CTNNB1: variants seen among roughly 807,000 people sequenced by gnomAD.
The protein encoded by CTNNB1 is catenin beta 1.
In CTNNB1, 6 loss-of-function variants were observed where a neutral mutation model predicts 82.5. The observed-to-expected ratio is 0.07, with a 90% CI of 0.04 to 0.14. The LOEUF (loss-of-function observed/expected upper bound fraction) is 0.14, where lower values mean the gene tolerates loss of function less well. CTNNB1 is among the 10% of genes least tolerant of loss of function. The probability of loss-of-function intolerance (pLI) is 1.00; values close to 1 mark genes in which losing one functional copy is unlikely to be tolerated. For missense variants in CTNNB1, 529 were observed against 980.4 expected, an observed-to-expected ratio of 0.54 and a Z score of 6.15; for synonymous variants, 312 against 329.7, an observed-to-expected ratio of 0.95 and a Z score of 0.58.
rs1231888698 is a variant in CTNNB1 at position 41,233,423 on chromosome 3, T to C, written c.1164T>C (p.Leu388=). 1 of 1,614,220 alleles carries C rather than the reference T, an allele frequency of 6.2e-7. No individual in the cohort carries two copies. Among genetic ancestry groups the C allele is most frequent in the South Asian group, 1.1e-5 (1 of 91,072 alleles). Residue 388 remains leucine, a synonymous_variant, in exon 8 of 15, where the codon CTT becomes CTC. Transcript: ENST00000349496. ...ACTGTCTTTGGACTCTCAGGAATCT[T>C]TCAGATGCTGCAACTAAACAGGTAA... ...VQNCLWTLRN[L]SDAATKQEGM...
chr3:41,237,961 T>A, intron 13 of CTNNB1, 55 bp from the exon 14 acceptor site: 1 of 1,498,718 alleles, frequency 6.7e-7, no homozygotes, highest in Admixed American at 1.7e-5. Flanking sequence ...TAGTGTACTT[T>A]TGAGAATTTT....
intron 7 of CTNNB1, among the ~76,000 whole-genome samples, chr3:41,229,564 T>C (rs2078255451): frequency 6.6e-6 from 1 of 152,280 alleles, no homozygotes; most frequent in South Asian, 2.1e-4. Context: ...TTTTATATCC[T>C]GAAACTTTGC....
chr3:41,234,345 A>G (rs1217148343), intron 10 of CTNNB1, 48 bp downstream of exon 10: 1 of 1,596,766 alleles, frequency 6.3e-7, no homozygotes, highest in Admixed American at 1.7e-5. Flanking sequence ...AGGAATGCAT[A>G]AATCCAAAGG....
chr3:41,215,630 C>A (rs961284757), intron 1 of CTNNB1, among the ~76,000 whole-genome samples: 15 of 152,014 alleles, frequency 9.9e-5, no homozygotes, highest in Non-Finnish European at 2.2e-4. Flanking sequence ...TTTAAAATTT[C>A]TTTCTTTAAA....
intron 13 of CTNNB1, chr3:41,236,934 TATAATTC>T: frequency 3.3e-6 from 2 of 611,814 alleles, no homozygotes; most frequent in Non-Finnish European, 5.7e-6. Flanking sequence ...TATTTAAAAT[TATAATTC>T]ATAAGGGAGA....
At chr3:41,214,970 C>G (rs561836135) in intron 1 of CTNNB1, among the ~76,000 whole-genome samples, 5 of 152,158 alleles carry the variant, frequency 3.3e-5, no homozygotes, top group Admixed American at 3.3e-4. Flanking sequence ...GCCCACAAAA[C>G]CTAAAATATT....
chr3:41,220,554 G>A (rs1163187498), intron 1 of CTNNB1: 1 of 152,000 alleles, frequency 6.6e-6, no homozygotes, highest in East Asian at 1.9e-4. Flanking sequence ...TTTTCTAGAT[G>A]GCAAAGTATT....
rs754869050 is a variant in CTNNB1 at position 41,224,057 on chromosome 3, C to A, written c.-12C>A. ...TATACCATACAACTGTTTTGAAAAT[C>A]CAGCGTGGACAATGGCTACTCAAGG... On this transcript the variant is annotated 5_prime_UTR_variant, in exon 2 of 15. Coordinates refer to ENST00000349496, the MANE Select transcript of CTNNB1 (RefSeq NM_001904.4). 1.2e-6 allele frequency: 2 copies of A among 1,613,562 alleles called. No homozygotes were observed. Among genetic ancestry groups the A allele is most frequent in the African/African-American group, 2.7e-5 (2 of 74,994 alleles).
chr3:41,234,670 CTATAAA>C (rs1283473863), intron 10 of CTNNB1: 3 of 263,894 alleles, frequency 1.1e-5, no homozygotes, highest in African/African-American at 6.7e-5. Context: ...TGCATTTTGA[CTATAAA>C]TATTTAGCAG....
chr3:41,218,659 C>T (rs2077968496), intron 1 of CTNNB1, among the ~76,000 whole-genome samples: 2 of 152,208 alleles, frequency 1.3e-5, no homozygotes, highest in Admixed American at 1.3e-4. Context: ...ACCTCAGCTT[C>T]CCAAGTAGCT....
chr3:41,227,482 AT>A, intron 7 of CTNNB1, 130 bp downstream of exon 7: 1 of 929,856 alleles, frequency 1.1e-6, no homozygotes, highest in Non-Finnish European at 1.7e-6. Flanking sequence ...TGCAGCCAAG[AT>A]TTACATTCAG....
At chr3:41,217,994 A>T (rs1009359322) in intron 1 of CTNNB1, among the ~76,000 whole-genome samples, 1 of 152,082 alleles carries the variant, frequency 6.6e-6, no homozygotes, top group Non-Finnish European at 1.5e-5. Context: ...AAATTATCTC[A>T]TGTTTCCCTT....
chr3:41,200,560 A>C (rs1194545211), intron 1 of CTNNB1, among the ~76,000 whole-genome samples: 1 of 152,238 alleles, frequency 6.6e-6, no homozygotes, highest in Non-Finnish European at 1.5e-5. Flanking sequence ...GTTCGTAGAA[A>C]TAATTTAAAT....
intron 10 of CTNNB1, 61 bp downstream of exon 10, chr3:41,234,358 C>T: frequency 6.4e-7 from 1 of 1,561,434 alleles, no homozygotes; most frequent in Non-Finnish European, 8.8e-7. Context: ...TCCAAAGGAT[C>T]CTGAACTTCT....
At chr3:41,212,323 A>C (rs1325517566) in intron 1 of CTNNB1, among the ~76,000 whole-genome samples, 1 of 152,198 alleles carries the variant, frequency 6.6e-6, no homozygotes, top group Non-Finnish European at 1.5e-5. Flanking sequence ...GGAATCACCC[A>C]ACCTTTTTTT....
At chr3:41,230,769 A>C (rs1300019972) in intron 7 of CTNNB1, among the ~76,000 whole-genome samples, 10 of 152,188 alleles carry the variant, frequency 6.6e-5, no homozygotes, top group African/African-American at 2.4e-4. Context: ...AACGTTTTCC[A>C]GGTAGAGAAA....
At chr3:41,227,437 C>G in intron 7 of CTNNB1, 85 bp downstream of exon 7, 1 of 1,394,072 alleles carries the variant, frequency 7.2e-7, no homozygotes, top group Non-Finnish European at 1.0e-6. Flanking sequence ...GGTGGTAGAA[C>G]TTTAACTACT....
rs2125620832 is a variant in CTNNB1, at chr3:41,225,139, C to T, written c.427C>T (p.Gln143Ter). 1 of 1,614,030 alleles carries T rather than the reference C, an allele frequency of 6.2e-7. No individual in the cohort carries two copies. The highest frequency in any genetic ancestry group is 8.5e-7 in the Non-Finnish European group (1 of 1,180,002). Reference sequence around the variant, plus strand: ...TGCAGTTGTAAACTTGATTAACTATCAAGATGATGCAGAACTTGCCACACG... The same window carrying T: ...TGCAGTTGTAAACTTGATTAACTATTAAGATGATGCAGAACTTGCCACACG... ...KHAVVNLINY[Q>*]DDAELATRAI... is the part of the protein sequence containing the mutation. The change falls in exon 4 of 15, where the codon CAA becomes TAA. Residue 143 changes from glutamine to a stop codon, truncating the protein, a stop_gained. Coordinates refer to ENST00000349496, the MANE Select transcript of CTNNB1 (RefSeq NM_001904.4). LOFTEE classifies it high-confidence loss of function. This position sits in a 1 kb window ranked among gnomAD's most constrained non-coding sequence, Gnocchi z 5.3.
chr3:41,234,385 TCC>T, intron 10 of CTNNB1, 88 bp downstream of exon 10: 1 of 1,321,224 alleles, frequency 7.6e-7, no homozygotes, highest in South Asian at 1.2e-5. Context: ...GGTCATTGGT[TCC>T]CCCCATCCGT....
Sources: gnomAD v4.1 joint callset for allele counts (sites outside exome capture counted in the v4.1 genomes callset) on GRCh38, gnomAD v4.1.1 for gene constraint, Gnocchi (gnomAD v3.1) non-coding constraint, MANE v1.5 for transcripts, NCBI Gene and HGNC (gene_info 2026-07-23, HGNC 2026-07-21) for gene names.